The following ELAVL2 variants were observed in gnomAD, a reference collection of about 807,000 sequenced individuals.
The protein encoded by ELAVL2 is ELAV-like protein 2.
In ELAVL2, 4 loss-of-function variants were observed where a neutral mutation model predicts 34.6. The observed-to-expected ratio is 0.12, with a 90% confidence interval of 0.06 to 0.26. The LOEUF (loss-of-function observed/expected upper bound fraction) is 0.26. Among genes scored for constraint, ELAVL2 ranks in the 10% least tolerant of loss-of-function variants. ELAVL2 has a pLI of 1.00. For synonymous variants in ELAVL2, 193 were observed against 154.8 expected, an observed-to-expected ratio of 1.25 and a Z score of -1.83; for missense variants, 432 against 442.8, an observed-to-expected ratio of 0.98 and a Z score of 0.22.
rs1050898700 is a variant in ELAVL2 at position 23,722,190 on chromosome 9, G to A, written c.333+8832C>T. On this transcript the variant is annotated intron_variant, in intron 3 of 6. Coordinates refer to ENST00000397312, the MANE Select transcript of ELAVL2 (RefSeq NM_004432.5). Reference sequence around the variant, plus strand: ...AATGCACCATCCATGCTTTTTTAAAGAGTCTACGCAAATTTAAAGAGAGAC... The same window carrying A: ...AATGCACCATCCATGCTTTTTTAAAAAGTCTACGCAAATTTAAAGAGAGAC... 4.4e-4 allele frequency among the ~76,000 whole-genome samples: 67 copies of A among 152,270 alleles called. 1 individual carries two copies. Among genetic ancestry groups the A allele is most frequent in the African/African-American group, 1.6e-3 (66 of 41,554 alleles).
chr9:23,754,940 T>C (rs1467216401), intron 2 of ELAVL2, among the ~76,000 whole-genome samples: 3 of 152,198 alleles, frequency 2.0e-5, no homozygotes, highest in East Asian at 3.9e-4. Flanking sequence ...CAACATCAGA[T>C]TGTTTATGCA....
rs147394347 is a variant in ELAVL2 at position 23,701,452 on chromosome 9, T to C, written c.640A>G (p.Ile214Val). The C allele has an allele frequency of 5.6e-5, 91 of 1,614,016 alleles. No homozygotes were observed. The highest frequency in any genetic ancestry group is 7.0e-5 in the Non-Finnish European group (83 of 1,180,024). Residue 214 changes from isoleucine to valine, a missense_variant, in exon 5 of 7, where the codon ATC becomes GTC. Coordinates refer to ENST00000397312, the MANE Select transcript of ELAVL2 (RefSeq NM_004432.5). ...GGAGACTGGTACAGCTGGGAAAGGA[T>C]GGCCTGATTGGTTTTTTGGCTTGGG... Reference protein sequence around the residue: ...NNPSQKTNQAILSQLYQSPNR... With the variant: ...NNPSQKTNQAVLSQLYQSPNR...
Position 23,816,541 on chromosome 9 carries a change from A to G in ELAVL2, c.-16+9265T>C, listed in dbSNP as rs1408174303. The stretch of plus-strand genomic sequence containing the variant: ...CTTTCATGATAAACTTTTTAAGTCA[A>G]AGGAAAAACCCAAGGATTAAATCTA... On this transcript the variant is annotated intron_variant, in intron 1 of 6. Coordinates refer to ENST00000397312, the MANE Select transcript of ELAVL2 (RefSeq NM_004432.5). 2.0e-5 allele frequency among the ~76,000 whole-genome samples: 3 copies of G among 152,280 alleles called. No individual in the cohort carries two copies. In the East Asian group the frequency reaches 5.8e-4, roughly 29 times the overall value.
intron 5 of ELAVL2, among the ~76,000 whole-genome samples, chr9:23,700,009 A>C (rs2133077813): frequency 6.6e-6 from 1 of 152,128 alleles, no homozygotes; most frequent in South Asian, 2.1e-4. Context: ...AACATAATTT[A>C]GTATTTTTTT....
chr9:23,788,439 C>T (rs1228763812), intron 1 of ELAVL2, among the ~76,000 whole-genome samples: 1 of 152,174 alleles, frequency 6.6e-6, no homozygotes, highest in Non-Finnish European at 1.5e-5. Context: ...ATGCCTGAAA[C>T]TTCAGATAGA....
chr9:23,827,280 T>C (rs1189146341), upstream of ELAVL2, among the ~76,000 whole-genome samples: 1 of 152,218 alleles, frequency 6.6e-6, no homozygotes, highest in African/African-American at 2.4e-5. Context: ...CCAAGTGCTA[T>C]CAATGCTTCT....
At chr9:23,748,549 T>TA (rs1230137629) in intron 2 of ELAVL2, among the ~76,000 whole-genome samples, 3 of 152,110 alleles carry the variant, frequency 2.0e-5, no homozygotes, top group Non-Finnish European at 2.9e-5. Flanking sequence ...TGGGGAGTGA[T>TA]AAGAGATTGA....
chr9:23,725,325 C>T (rs892742540), intron 3 of ELAVL2, among the ~76,000 whole-genome samples: 2 of 152,100 alleles, frequency 1.3e-5, no homozygotes, highest in Non-Finnish European at 2.9e-5. Context: ...ATCCTGCTTT[C>T]TTTTTGGGCA....
intron 2 of ELAVL2, among the ~76,000 whole-genome samples, chr9:23,745,639 C>T (rs1043905345): frequency 3.3e-5 from 5 of 152,138 alleles, no homozygotes; most frequent in African/African-American, 1.2e-4. Flanking sequence ...ATGACATATA[C>T]TACTTATCCC....
At chr9:23,714,504 G>C (rs1391414711) in intron 3 of ELAVL2, among the ~76,000 whole-genome samples, 1 of 152,150 alleles carries the variant, frequency 6.6e-6, no homozygotes, top group Non-Finnish European at 1.5e-5. Context: ...CATACAGAGA[G>C]CAAACATTCA....
chr9:23,761,202 C>T (rs2054908460), intron 2 of ELAVL2, among the ~76,000 whole-genome samples: 1 of 152,052 alleles, frequency 6.6e-6, no homozygotes, highest in Non-Finnish European at 1.5e-5. Context: ...ATTTAATTAA[C>T]ATGAAAAGTC....
chr9:23,700,848 TA>T (rs981267991), intron 5 of ELAVL2, among the ~76,000 whole-genome samples: 12 of 150,396 alleles, frequency 8.0e-5, no homozygotes, highest in South Asian at 2.1e-4. Context: ...CAGCTTGACC[TA>T]AAAATTGACA....
rs62541666 is a variant in ELAVL2, at chr9:23,786,373, C to G, written c.-15-24124G>C. Among the ~76,000 whole-genome samples the G allele has an allele frequency of 5.0e-3, 761 of 152,180 alleles. 8 individuals carry two copies. Among genetic ancestry groups the G allele is most frequent in the Middle Eastern group, 0.024 (7 of 294 alleles). The stretch of plus-strand genomic sequence containing the variant: ...GGAACCAGTAAATGCTTATTTCATA[C>G]TGAAATTTACAGGACATGAATGACT... On this transcript the variant is annotated intron_variant, in intron 1 of 6. Coordinates refer to ENST00000397312, the MANE Select transcript of ELAVL2 (RefSeq NM_004432.5).
At chr9:23,791,758 G>T (rs2060348945) in intron 1 of ELAVL2, among the ~76,000 whole-genome samples, 1 of 152,146 alleles carries the variant, frequency 6.6e-6, no homozygotes, top group Admixed American at 6.5e-5. Context: ...TGAAACAGTG[G>T]TCTTGCCAGA....
the ELAVL2 span, among the ~76,000 whole-genome samples, chr9:23,846,213 A>C: frequency 6.6e-6 from 1 of 151,888 alleles, no homozygotes; most frequent in Non-Finnish European, 1.5e-5. Context: ...GGCCCTATTT[A>C]AAACTTTTAA....
intron 1 of ELAVL2, among the ~76,000 whole-genome samples, chr9:23,791,096 A>G (rs2060267918): frequency 6.6e-6 from 1 of 152,226 alleles, no homozygotes; most frequent in Admixed American, 6.5e-5. Context: ...AAGAGGTCAA[A>G]CTATAAAACT....
chr9:23,720,484 T>C (rs548349387), intron 3 of ELAVL2, among the ~76,000 whole-genome samples: 1 of 152,188 alleles, frequency 6.6e-6, no homozygotes, highest in South Asian at 2.1e-4. Context: ...CCATTTTAAA[T>C]GGATAGGCCC....
chr9:23,712,227 G>A lies in ELAVL2; in HGVS notation c.334-7156C>T, dbSNP rs548812670. Among the ~76,000 whole-genome samples, 10 of 152,246 alleles carry A rather than the reference G, an allele frequency of 6.6e-5. No homozygotes were observed. In the East Asian group the frequency reaches 1.4e-3, roughly 21 times the overall value. On this transcript the variant is annotated intron_variant, in intron 3 of 6. Transcript: ENST00000397312. Reference sequence around the variant, plus strand: ...AAGACACAAAGAAAAAGAGTTGGGTGTAGGACTCGCGGTCTTAGCTCTTCA... The same window carrying A: ...AAGACACAAAGAAAAAGAGTTGGGTATAGGACTCGCGGTCTTAGCTCTTCA...
intron 1 of ELAVL2, among the ~76,000 whole-genome samples, chr9:23,786,781 CAA>C (rs57292061): frequency 0.021 from 2,216 of 108,042 alleles, 31 homozygotes; most frequent in African/African-American, 0.063. Flanking sequence ...ATTTTAGTGG[CAA>C]AAAAAAAAAA....
Sources: allele counts gnomAD v4.1 joint callset (sites outside exome capture counted in the v4.1 genomes callset), GRCh38; gene constraint gnomAD v4.1.1; transcripts MANE v1.5; gene names NCBI Gene and HGNC (gene_info 2026-07-23, HGNC 2026-07-21).